Variants in SIPA1L3 observed in about 807,000 individuals in gnomAD.
SIPA1L3 encodes signal induced proliferation associated 1 like 3.
Under a neutral mutation model 150.1 loss-of-function variants are expected in SIPA1L3, and 59 were observed. The observed-to-expected ratio is 0.39, with a 90% confidence interval of 0.32 to 0.49. The LOEUF is 0.49. Among genes scored for constraint, SIPA1L3 ranks in the 20% least tolerant of loss-of-function variants. SIPA1L3 has a pLI of 0.86. For missense variants in SIPA1L3, 2,211 were observed against 2,489.5 expected (o/e 0.89, Z 2.38); for synonymous variants, 1,070 against 1,077.6 (o/e 0.99, Z 0.14).
At chr19:38,198,097 G>A (rs1203519723) in intron 18 of SIPA1L3, among the ~76,000 whole-genome samples, 4 of 152,190 alleles carry the variant, frequency 2.6e-5, no homozygotes, top group African/African-American at 9.7e-5. Flanking sequence ...CTGCCTCAGG[G>A]ATTTAGCACT....
intron 12 of SIPA1L3, among the ~76,000 whole-genome samples, chr19:38,150,631 C>G (rs1971800377): frequency 6.6e-6 from 1 of 151,550 alleles, no homozygotes; most frequent in Non-Finnish European, 1.5e-5. Context: ...CTCCGCCTCC[C>G]AGGTTCAATT....
At chr19:38,038,098 G>A (rs1968830830) in intron 2 of SIPA1L3, among the ~76,000 whole-genome samples, 1 of 152,144 alleles carries the variant, frequency 6.6e-6, no homozygotes, top group Non-Finnish European at 1.5e-5. Flanking sequence ...TGAGAGTAAG[G>A]AGGAAGCTGT....
At chr19:38,110,833 G>C (rs1233248220) in intron 8 of SIPA1L3, among the ~76,000 whole-genome samples, 2 of 151,948 alleles carry the variant, frequency 1.3e-5, no homozygotes, top group African/African-American at 4.8e-5. Flanking sequence ...CCCCAGAATT[G>C]GGGCTCACTG....
At chr19:38,157,910 C>T (rs778464783) in intron 13 of SIPA1L3, among the ~76,000 whole-genome samples, 4 of 152,084 alleles carry the variant, frequency 2.6e-5, no homozygotes, top group Non-Finnish European at 2.9e-5. Context: ...TACAGGGACA[C>T]GATGATGATA....
chr19:37,924,602 C>T (rs979186361), intron 1 of SIPA1L3, among the ~76,000 whole-genome samples: 11 of 150,682 alleles, frequency 7.3e-5, no homozygotes, highest in East Asian at 1.9e-4. Flanking sequence ...AGCTTGAATC[C>T]GGGAGGCAGA....
At chr19:38,101,910 A>G (rs1970512418) in intron 6 of SIPA1L3, among the ~76,000 whole-genome samples, 1 of 152,202 alleles carries the variant, frequency 6.6e-6, no homozygotes, top group Non-Finnish European at 1.5e-5. Flanking sequence ...GTGTTCACCC[A>G]GAGGAGATGA....
intron 1 of SIPA1L3, among the ~76,000 whole-genome samples, chr19:37,927,518 G>T (rs1373480662): frequency 1.5e-5 from 2 of 136,252 alleles, no homozygotes; most frequent in Non-Finnish European, 3.1e-5. Flanking sequence ...AGTGTCTGTT[G>T]TTCGTGTGTG....
intron 21 of SIPA1L3, among the ~76,000 whole-genome samples, chr19:38,205,660 T>A (rs1973194116): frequency 1.3e-5 from 2 of 152,158 alleles, no homozygotes. Context: ...TACGTCCTCC[T>A]GGAAGAAGGG....
chr19:38,000,952 C>T (rs1967785759), intron 1 of SIPA1L3, among the ~76,000 whole-genome samples: 1 of 78,650 alleles, frequency 1.3e-5, no homozygotes, highest in Admixed American at 1.2e-4. Flanking sequence ...ACATATAACA[C>T]ACATATAACA....
intron 1 of SIPA1L3, among the ~76,000 whole-genome samples, chr19:37,954,391 G>A (rs979991585): frequency 3.9e-5 from 6 of 152,092 alleles, no homozygotes; most frequent in Admixed American, 6.6e-5. Context: ...CTACTTCCCC[G>A]AAACCAATAT....
At chr19:38,109,103 A>C (rs1401675829) in intron 7 of SIPA1L3, among the ~76,000 whole-genome samples, 1 of 152,178 alleles carries the variant, frequency 6.6e-6, no homozygotes, top group Non-Finnish European at 1.5e-5. Context: ...ACTGACCAGC[A>C]GGGGAGAGGT....
intron 4 of SIPA1L3, among the ~76,000 whole-genome samples, chr19:38,097,018 T>C (rs1029014870): frequency 1.3e-5 from 2 of 152,176 alleles, no homozygotes; most frequent in Non-Finnish European, 2.9e-5. Context: ...AGCTCATATA[T>C]GTAGCATTCA....
intron 1 of SIPA1L3, among the ~76,000 whole-genome samples, chr19:38,012,181 G>A (rs1045235013): frequency 6.6e-6 from 1 of 151,068 alleles, no homozygotes; most frequent in African/African-American, 2.4e-5. Context: ...CGACCTTCCC[G>A]GCTCCTGGCT....
intron 1 of SIPA1L3, among the ~76,000 whole-genome samples, chr19:38,025,014 C>G (rs561132733): frequency 6.6e-6 from 1 of 152,148 alleles, no homozygotes; most frequent in Non-Finnish European, 1.5e-5. Context: ...TAACTTAATT[C>G]TCGGCCCCTT....
intron 1 of SIPA1L3, among the ~76,000 whole-genome samples, chr19:37,975,208 A>G (rs900563628): frequency 6.6e-6 from 1 of 152,176 alleles, no homozygotes; most frequent in Non-Finnish European, 1.5e-5. Context: ...CAGCTGTGAT[A>G]CATACCAAAC....
chr19:38,119,410 A>G lies in SIPA1L3; in HGVS notation c.2396A>G (p.Lys799Arg). The G allele has an allele frequency of 6.2e-7, 1 of 1,614,152 alleles. No homozygotes were observed. The highest frequency in any genetic ancestry group is 2.2e-5 in the East Asian group (1 of 44,880). Residue 799 changes from lysine (K) to arginine (R), a missense_variant, in exon 9 of 22, where the codon AAG becomes AGG. Physicochemically the swap from Lys to Arg is conservative, Grantham distance 26 (BLOSUM62 2). Coordinates refer to ENST00000222345, the MANE Select transcript of SIPA1L3 (RefSeq NM_015073.3). ...GTCTTCAGAGACTTCTTGCTGGCCA[A>G]GGTGATTAACGCTGAGAACGCCGCG... Reference protein sequence around the residue: ...SDVFRDFLLAKVINAENAAHK... With the variant: ...SDVFRDFLLARVINAENAAHK...
At chr19:38,195,832 T>A (rs1273099712) in intron 18 of SIPA1L3, among the ~76,000 whole-genome samples, 2 of 43,336 alleles carry the variant, frequency 4.6e-5, no homozygotes, top group African/African-American at 2.0e-4. Context: ...CCCCCCTCCG[T>A]CCCTACTCAC....
chr19:37,958,549 A>G (rs955552129), intron 1 of SIPA1L3, among the ~76,000 whole-genome samples: 1 of 152,272 alleles, frequency 6.6e-6, no homozygotes, highest in Admixed American at 6.5e-5. Context: ...AAGAGTTAAA[A>G]TTATAAAATT....
chr19:38,195,781 C>T (rs1033664373), intron 18 of SIPA1L3, among the ~76,000 whole-genome samples: 1 of 146,418 alleles, frequency 6.8e-6, no homozygotes, highest in African/African-American at 2.5e-5. Flanking sequence ...TCAGGCACCA[C>T]CACAGGCCCC....
Sources: gnomAD v4.1 joint callset for allele counts (sites outside exome capture counted in the v4.1 genomes callset) on GRCh38, gnomAD v4.1.1 for gene constraint, MANE v1.5 for transcripts, NCBI Gene and HGNC (gene_info 2026-07-23, HGNC 2026-07-21) for gene names.